ZMIZ1: variants seen among roughly 807,000 people sequenced by gnomAD.
ZMIZ1 encodes the protein zinc finger MIZ domain-containing protein 1.
Under a neutral mutation model 113.9 loss-of-function variants are expected in ZMIZ1, and 17 were observed. The observed-to-expected ratio is 0.15, with a 90% CI of 0.10 to 0.22. ZMIZ1 has a LOEUF of 0.22. ZMIZ1 is among the 10% of genes least tolerant of loss of function. ZMIZ1 has a pLI of 1.00. For missense variants in ZMIZ1, 1,059 were observed against 1,477.8 expected (o/e 0.72, Z 4.65); for synonymous variants, 607 against 603.1 (o/e 1.01, Z -0.09).
At chr10:79,110,373 A>G (rs907166971) in intron 1 of ZMIZ1, among the ~76,000 whole-genome samples, 3 of 152,240 alleles carry the variant, frequency 2.0e-5, no homozygotes, top group East Asian at 1.9e-4. Flanking sequence ...AGGTGAATGC[A>G]TGGCGGATGG....
At chr10:79,254,339 C>T (rs547343571) in intron 7 of ZMIZ1, among the ~76,000 whole-genome samples, 6 of 152,360 alleles carry the variant, frequency 3.9e-5, no homozygotes, top group Admixed American at 2.6e-4. Context: ...GGACTGAGGT[C>T]ATTGCCCGCC....
At chr10:79,287,800 A>G (rs1853180545) in intron 8 of ZMIZ1, among the ~76,000 whole-genome samples, 1 of 152,190 alleles carries the variant, frequency 6.6e-6, no homozygotes, top group African/African-American at 2.4e-5. Flanking sequence ...CCCATTTTAC[A>G]GATGAGGAGA....
At chr10:79,201,311 A>G (rs1390178791) in intron 4 of ZMIZ1, among the ~76,000 whole-genome samples, 1 of 152,166 alleles carries the variant, frequency 6.6e-6, no homozygotes, top group African/African-American at 2.4e-5. Context: ...TCCATCTCAA[A>G]AAAAAGAAAA....
In ZMIZ1 at chr10:79,314,587, C is replaced by A; in HGVS notation, c.*1838C>A. 4.1e-6 allele frequency: 1 copy of A among 246,508 alleles called. No homozygotes were observed. Among genetic ancestry groups the A allele is most frequent in the Non-Finnish European group, 8.1e-6 (1 of 123,330 alleles). The allele number at this position is 246,508 out of a possible 1,614,324, so 15.3% of individuals were successfully genotyped here. ...AATATCTTTGTGAATATTTTAGTAT[C>A]GTCTTTGATAATATTCAACATTTTC... On this transcript the variant is annotated 3_prime_UTR_variant, in exon 25 of 25. Coordinates refer to ENST00000334512, the MANE Select transcript of ZMIZ1 (RefSeq NM_020338.4).
At chr10:79,279,048 G>A (rs955046956) in intron 8 of ZMIZ1, among the ~76,000 whole-genome samples, 56 of 150,280 alleles carry the variant, frequency 3.7e-4, no homozygotes, top group African/African-American at 1.3e-3. Context: ...CAGACGGGGC[G>A]GCGGCCGGGC....
chr10:79,125,966 T>A (rs1844493252), intron 2 of ZMIZ1, among the ~76,000 whole-genome samples: 1 of 152,174 alleles, frequency 6.6e-6, no homozygotes, highest in Admixed American at 6.5e-5. Context: ...AGGAGCCTTC[T>A]ATCTGCAGAA....
rs1305964037 is a variant in ZMIZ1 at position 79,298,084 on chromosome 10, G to GTCC, written c.1492-318_1492-316dup. ...GCCTGGGCTTCATTCCCGCTGTCCT[G>GTCC]TCCTCCAAGGGTTGTGCTGAGCAAG... On this transcript the variant is annotated intron_variant, in intron 14 of 24. Coordinates refer to ENST00000334512, the MANE Select transcript of ZMIZ1 (RefSeq NM_020338.4). Among the ~76,000 whole-genome samples, 3 of 152,250 alleles carry GTCC rather than the reference G, an allele frequency of 2.0e-5. No individual in the cohort carries two copies. In the East Asian group the frequency reaches 5.8e-4, roughly 29 times the overall value.
chr10:79,104,697 G>A (rs373918429), intron 1 of ZMIZ1, among the ~76,000 whole-genome samples: 2 of 152,154 alleles, frequency 1.3e-5, no homozygotes, highest in Admixed American at 6.5e-5. Context: ...CCCTGGGCCT[G>A]GGAGTCCTGC....
intron 7 of ZMIZ1, among the ~76,000 whole-genome samples, chr10:79,232,882 A>C (rs972792037): frequency 8.5e-5 from 13 of 152,150 alleles, no homozygotes; most frequent in African/African-American, 2.9e-4. Context: ...TGGAATGGGA[A>C]CAGCACCACC....
rs116119649 is a variant in ZMIZ1, at chr10:79,079,401, C to T, written c.-337+10131C>T. Among the ~76,000 whole-genome samples, 962 of 152,356 alleles carry T rather than the reference C, an allele frequency of 6.3e-3. 11 individuals are homozygous for T. The highest frequency in any genetic ancestry group is 0.022 in the African/African-American group (909 of 41,574). ...CAATGTGGACACCTGGAAACAGTGTCGAAACTATAGCCTTAGTCCAAGGGT... is the reference window on the plus strand; with the variant it reads ...CAATGTGGACACCTGGAAACAGTGTTGAAACTATAGCCTTAGTCCAAGGGT... On this transcript the variant is annotated intron_variant, in intron 1 of 24. Transcript: ENST00000334512.
chr10:79,193,718 C>A (rs750548731), intron 4 of ZMIZ1, among the ~76,000 whole-genome samples: 4 of 152,000 alleles, frequency 2.6e-5, no homozygotes, highest in Admixed American at 2.0e-4. Context: ...AGAAAGAGCA[C>A]GAAAGAGTGA....
chr10:79,312,849 A>C lies in ZMIZ1; in HGVS notation c.*100A>C. The stretch of plus-strand genomic sequence containing the variant: ...AGCCTGTGCCCTCAGACCGCCCCGC[A>C]CCAGAGCCACGGGCTGTGGGGCGGG... On this transcript the variant is annotated 3_prime_UTR_variant, in exon 25 of 25. Transcript: ENST00000334512. The C allele has an allele frequency of 1.8e-6, 2 of 1,132,598 alleles. No individual in the cohort carries two copies. The highest frequency in any genetic ancestry group is 2.6e-6 in the Non-Finnish European group (2 of 774,594). The allele number at this position is 1,132,598 out of a possible 1,614,324, so 70.2% of individuals were successfully genotyped here. A position where few individuals can be genotyped will look rare whatever the true frequency, so the allele number is the denominator to read the frequency against.
At chr10:79,197,850 T>C (rs1424743652) in intron 4 of ZMIZ1, among the ~76,000 whole-genome samples, 1 of 152,100 alleles carries the variant, frequency 6.6e-6, no homozygotes, top group African/African-American at 2.4e-5. Flanking sequence ...CACATGGTCA[T>C]CTAGTAGGTA....
At chr10:79,112,708 C>T (rs893349081) in intron 1 of ZMIZ1, among the ~76,000 whole-genome samples, 2 of 152,216 alleles carry the variant, frequency 1.3e-5, no homozygotes, top group African/African-American at 4.8e-5. Flanking sequence ...CCCGTTCCTG[C>T]AGATCTAAGG....
chr10:79,270,871 AC>A (rs926618196), intron 7 of ZMIZ1, among the ~76,000 whole-genome samples: 4 of 151,866 alleles, frequency 2.6e-5, no homozygotes, highest in Admixed American at 2.6e-4. Flanking sequence ...TGTCCCCACT[AC>A]CCCCACAAAA....
chr10:79,069,058 C>CGGGG lies in ZMIZ1; in HGVS notation c.-549_-548insGGGG, dbSNP rs1842154192. The CGGGG allele has an allele frequency of 6.6e-6, 1 of 151,150 alleles. No individual in the cohort carries two copies. The highest frequency in any genetic ancestry group is 1.5e-5 in the Non-Finnish European group (1 of 67,726). 9.4% of individuals were successfully genotyped at this position (151,150 alleles called of 1,614,324 possible). On this transcript the variant is annotated 5_prime_UTR_variant, in exon 1 of 25. Transcript: ENST00000334512. This position sits in a 1 kb window ranked among gnomAD's most constrained non-coding sequence, Gnocchi z 4.6. Reference sequence around the variant, plus strand: ...GGCGGGCGCCGGGGAGAGCGGGCGGCCGGGCGGCAGGCGGGCGAGCAGCGA... The same window carrying CGGGG: ...GGCGGGCGCCGGGGAGAGCGGGCGGCGGGGCGGGCGGCAGGCGGGCGAGCAGCGA...
chr10:79,080,106 A>G (rs1408551777), intron 1 of ZMIZ1, among the ~76,000 whole-genome samples: 4 of 151,832 alleles, frequency 2.6e-5, no homozygotes, highest in Non-Finnish European at 5.9e-5. Context: ...TGCATGAGTC[A>G]CTCTGCCTCC....
intron 8 of ZMIZ1, among the ~76,000 whole-genome samples, chr10:79,286,469 C>T (rs1051639147): frequency 9.2e-5 from 14 of 152,394 alleles, no homozygotes; most frequent in Middle Eastern, 3.4e-3. Flanking sequence ...ACTTCTGCTT[C>T]TGCAGCAGGT....
rs182018382 is a variant in ZMIZ1 at position 79,103,251 on chromosome 10, C to T, written c.-336-15664C>T. Among the ~76,000 whole-genome samples, 841 of 151,734 alleles carry T rather than the reference C, an allele frequency of 5.5e-3. 3 individuals are homozygous for T. The highest frequency in any genetic ancestry group is 9.0e-3 in the Non-Finnish European group (614 of 67,934). ...GACATGGGGAAACCGTGAGGGGGAG[C>T]GAGCAGAGCCAGCTGCACGGGGCTC... On this transcript the variant is annotated intron_variant, in intron 1 of 24. Coordinates refer to ENST00000334512, the MANE Select transcript of ZMIZ1 (RefSeq NM_020338.4).
Sources: allele counts gnomAD v4.1 joint callset (sites outside exome capture counted in the v4.1 genomes callset), GRCh38; gene constraint gnomAD v4.1.1; non-coding constraint Gnocchi (gnomAD v3.1); transcripts MANE v1.5; gene names NCBI Gene and HGNC (gene_info 2026-07-23, HGNC 2026-07-21).